Variants in IGSF9B observed in about 807,000 individuals in gnomAD.
IGSF9B encodes the protein protein turtle homolog B.
In IGSF9B, 48 loss-of-function variants were observed where a neutral mutation model predicts 143.7. The observed-to-expected ratio is 0.33, with a 90% confidence interval of 0.26 to 0.42. The LOEUF is 0.42. Ranked by LOEUF, IGSF9B falls within the 20% of genes least tolerant of loss-of-function variation. IGSF9B has a pLI of 1.00. For missense variants in IGSF9B, 1,706 were observed against 1,980.0 expected (o/e 0.86, Z 2.63); for synonymous variants, 903 against 833.1 (o/e 1.08, Z -1.44).
chr11:133,899,536 G>A lies in IGSF9B; in HGVS notation c.*9533C>T, dbSNP rs140829933. ...CCCCAAAATGAAGAGTCCTGTTGGA[G>A]GCTGAGGAATAGAATGGTGACATGT... On this transcript the variant is annotated 3_prime_UTR_variant, in exon 20 of 20. Transcript: ENST00000533871. 8 of 152,578 alleles carry A rather than the reference G, an allele frequency of 5.2e-5. No individual in the cohort carries two copies. Among genetic ancestry groups the A allele is most frequent in the African/African-American group, 1.9e-4 (8 of 41,590 alleles). The allele number at this position is 152,578 out of a possible 1,614,324, so 9.5% of individuals were successfully genotyped here. A position where few individuals can be genotyped will look rare whatever the true frequency, so the allele number is the denominator to read the frequency against.
rs781475021 is a variant in IGSF9B at position 133,931,501 on chromosome 11, G to A, written c.1320C>T (p.Ile440=). 1.9e-6 allele frequency: 3 copies of A among 1,613,284 alleles called. No individual in the cohort carries two copies. Among genetic ancestry groups the A allele is most frequent in the Admixed American group, 1.7e-5 (1 of 60,006 alleles). Residue 440 remains isoleucine (I), a synonymous_variant, in exon 10 of 20, where the codon ATC becomes ATT. Transcript: ENST00000533871. The surrounding 1 kb of genome is among the most constrained non-coding windows in gnomAD (Gnocchi z 7.7). ...YRQEAGRELL[I]PCAAAGDPFP... ...AGGGGTCCCCTGCGGCAGCACAGGG[G>A]ATAAGTAGCTCCCGGCCGGCCTCCT...
intron 11 of IGSF9B, among the ~76,000 whole-genome samples, chr11:133,930,728 C>G (rs1395416241): frequency 6.6e-6 from 1 of 152,248 alleles, no homozygotes; most frequent in East Asian, 1.9e-4. Context: ...CTCTTTCCCT[C>G]AGGTGGGCTG....
Position 133,908,074 on chromosome 11 carries a change from C to T in IGSF9B, c.*995G>A, listed in dbSNP as rs1180479891. Among the ~76,000 whole-genome samples, 1 of 152,250 alleles carries T rather than the reference C, an allele frequency of 6.6e-6. No individual in the cohort carries two copies. Among genetic ancestry groups the T allele is most frequent in the Non-Finnish European group, 1.5e-5 (1 of 68,036 alleles). ...AATAGAGCCGGCAGCTTGGCGCTAG[C>T]ACAGGTGGCTCCGCAGTGGGGAGAC... On this transcript the variant is annotated 3_prime_UTR_variant, in exon 20 of 20. Coordinates refer to ENST00000533871, the MANE Select transcript of IGSF9B (RefSeq NM_001277285.4).
chr11:133,897,341 C>G lies in IGSF9B; in HGVS notation c.*11728G>C, dbSNP rs1939036363. Reference sequence around the variant, plus strand: ...GTGCACCTGTGAGCTCTCTCCCGCTCTCACTCTCTTGCGTGCACACACGCA... The same window carrying G: ...GTGCACCTGTGAGCTCTCTCCCGCTGTCACTCTCTTGCGTGCACACACGCA... On this transcript the variant is annotated 3_prime_UTR_variant, in exon 20 of 20. Transcript: ENST00000533871. 6.6e-6 allele frequency: 1 copy of G among 152,100 alleles called. No individual in the cohort carries two copies. The highest frequency in any genetic ancestry group is 2.4e-5 in the African/African-American group (1 of 41,434). The allele number at this position is 152,100 out of a possible 1,614,324, so 9.4% of individuals were successfully genotyped here.
rs758818031 is a variant in IGSF9B, at chr11:133,931,727, G to A, written c.1179C>T (p.Gly393=). The A allele has an allele frequency of 3.1e-6, 5 of 1,611,994 alleles. No homozygotes were observed. The highest frequency in any genetic ancestry group is 4.2e-6 in the Non-Finnish European group (5 of 1,179,344). The part of the protein sequence containing the change: ...RIEEATEEAL[G]TYTCVPYNTL... ...TGTTGTAAGGCACACAGGTATAAGT[G>A]CCAAGAGCCTCCTCTGTGGCCTCCT... Residue 393 remains glycine, a synonymous_variant, in exon 9 of 20, where the codon GGC becomes GGT. Transcript: ENST00000533871. This position sits in a 1 kb window ranked among gnomAD's most constrained non-coding sequence, Gnocchi z 7.7.
Position 133,919,997 on chromosome 11 carries a change from G to A in IGSF9B, c.3728C>T (p.Ala1243Val). The change falls in exon 18 of 20, where the codon GCT becomes GTT. Residue 1243 changes from alanine (A) to valine (V), a missense_variant. Around this residue, in one of 7 missense-constraint regions of IGSF9B, gnomAD observed 880 missense variants for 762.9 expected, o/e 1.15. Transcript: ENST00000533871. ...AGACTTTCGAGAAAAGCTGACTGCA[G>A]CCGGCGGCTGCAGGGTGATCTCTGA... ...EMSEITLQPP[A>V]AVSFSRKSTP... is the part of the protein sequence containing the mutation. The A allele has an allele frequency of 6.3e-7, 1 of 1,582,664 alleles. No individual in the cohort carries two copies. Among genetic ancestry groups the A allele is most frequent in the Non-Finnish European group, 8.6e-7 (1 of 1,164,286 alleles).
At chr11:133,936,305 T>A in intron 5 of IGSF9B, 111 bp from the exon 6 acceptor site, 1 of 910,296 alleles carries the variant, frequency 1.1e-6, no homozygotes, top group Non-Finnish European at 1.7e-6. Context: ...AACACTGCGA[T>A]GGGGGCGGCT....
At chr11:133,942,665 C>A (rs1009620850) in intron 3 of IGSF9B, among the ~76,000 whole-genome samples, 4 of 152,190 alleles carry the variant, frequency 2.6e-5, no homozygotes, top group Admixed American at 2.6e-4. Context: ...AATGCGGGGA[C>A]CCTCAGCCTG....
rs531226334 is a variant in IGSF9B, at chr11:133,917,837, G to A, written c.3983+1905C>T. On this transcript the variant is annotated intron_variant, in intron 18 of 19. Coordinates refer to ENST00000533871, the MANE Select transcript of IGSF9B (RefSeq NM_001277285.4). ...GCTGCTGGGAGAATAGGGTGCGGGG[G>A]GGCTCTTCCTGGATACCAGAGGGGC... Among the ~76,000 whole-genome samples the A allele has an allele frequency of 2.6e-5, 4 of 152,174 alleles. No individual in the cohort carries two copies. The East Asian group carries it at 7.8e-4, about 30-fold the overall frequency.
In IGSF9B at chr11:133,919,797, T is replaced by G; in HGVS notation, c.3928A>C (p.Thr1310Pro). 6.6e-7 allele frequency: 1 copy of G among 1,506,234 alleles called. No homozygotes were observed. The highest frequency in any genetic ancestry group is 2.2e-5 in the Admixed American group (1 of 44,828). The allele number at this position is 1,506,234 out of a possible 1,614,324, so 93.3% of individuals were successfully genotyped here. A position where few individuals can be genotyped will look rare whatever the true frequency, so the allele number is the denominator to read the frequency against. The change falls in exon 18 of 20, where the codon ACG (threonine) becomes CCG (proline). Residue 1310 changes from threonine to proline, a missense_variant. By Grantham distance (38) the Thr-to-Pro change is conservative (BLOSUM62 -1). Around this residue, in one of 7 missense-constraint regions of IGSF9B, gnomAD observed 880 missense variants for 762.9 expected, o/e 1.15. Coordinates refer to ENST00000533871, the MANE Select transcript of IGSF9B (RefSeq NM_001277285.4). ...TCCGGTCGGAGCAATTCCTCCCCCG[T>G]CCTTCGAGGGGAAGGCGTCTGTCCA... ...VFGQTPSPRRTGEELLRPETP... is the reference protein window; with the variant it reads ...VFGQTPSPRRPGEELLRPETP...
Position 133,919,755 on chromosome 11 carries a change from A to T in IGSF9B, c.3970T>A (p.Leu1324Ile), listed in dbSNP as rs1474667679. Residue 1324 changes from leucine (L) to isoleucine (I), a missense_variant, in exon 18 of 20, where the codon TTA becomes ATA. Leu to Ile is a conservative substitution (Grantham distance 5, BLOSUM62 2). This residue lies in a region of IGSF9B where 880 missense variants were observed against 762.9 expected (regional missense o/e 1.15). Transcript: ENST00000533871. ...CGGCGCACTCACCCTGAAGTAGGTA[A>T]CGTGGGTGGTGGGGTCTCCGGTCGG... ...LLRPETPPPT[L>I]PTSGTLPPAP... 1.4e-6 allele frequency: 2 copies of T among 1,465,510 alleles called. No homozygotes were observed. The highest frequency in any genetic ancestry group is 9.0e-7 in the Non-Finnish European group (1 of 1,105,550). The allele number at this position is 1,465,510 out of a possible 1,614,324, so 90.8% of individuals were successfully genotyped here. A position where few individuals can be genotyped will look rare whatever the true frequency, so the allele number is the denominator to read the frequency against.
intron 12 of IGSF9B, among the ~76,000 whole-genome samples, chr11:133,927,887 C>T (rs1034946197): frequency 8.5e-5 from 13 of 152,100 alleles, no homozygotes; most frequent in Non-Finnish European, 1.5e-4. Context: ...GGCTCACTAC[C>T]GTGCACGCCC....
At chr11:133,944,459 C>A (rs1940008635) in intron 2 of IGSF9B, 93 bp from the exon 3 acceptor site, 1 of 1,270,142 alleles carries the variant, frequency 7.9e-7, no homozygotes, top group Non-Finnish European at 1.1e-6. Context: ...GGGGACTCAT[C>A]ATAATCTTCA....
At chr11:133,916,542 G>A (rs1480095137) in intron 18 of IGSF9B, among the ~76,000 whole-genome samples, 4 of 152,176 alleles carry the variant, frequency 2.6e-5, no homozygotes, top group African/African-American at 9.7e-5. Context: ...CTCAGGATGG[G>A]GAGGGTCTCC....
chr11:133,899,164 G>A lies in IGSF9B; in HGVS notation c.*9905C>T, dbSNP rs1172164903. The A allele has an allele frequency of 6.6e-6, 1 of 152,290 alleles. No individual in the cohort carries two copies. The highest frequency in any genetic ancestry group is 2.4e-5 in the African/African-American group (1 of 41,470). The allele number at this position is 152,290 out of a possible 1,614,324, so 9.4% of individuals were successfully genotyped here. ...ACCAAAATTCAATGTCCATTCTGCTGTGGGGACCAAGGAACGTGTCCCAAG... is the reference window on the plus strand; with the variant it reads ...ACCAAAATTCAATGTCCATTCTGCTATGGGGACCAAGGAACGTGTCCCAAG... On this transcript the variant is annotated 3_prime_UTR_variant, in exon 20 of 20. Transcript: ENST00000533871.
intron 1 of IGSF9B, among the ~76,000 whole-genome samples, chr11:133,954,051 T>C (rs778560937): frequency 1.1e-4 from 17 of 152,078 alleles, no homozygotes; most frequent in Middle Eastern, 6.8e-3. Flanking sequence ...TATGGCCAAA[T>C]CCTAAGGGTG....
intron 5 of IGSF9B, among the ~76,000 whole-genome samples, chr11:133,936,748 G>A (rs991468521): frequency 2.0e-5 from 3 of 152,188 alleles, no homozygotes; most frequent in Admixed American, 6.5e-5. Context: ...GCATGCAGCC[G>A]CCACCAACCC....
At chr11:133,935,909 G>C in intron 6 of IGSF9B, 144 bp downstream of exon 6, 2 of 1,383,176 alleles carry the variant, frequency 1.4e-6, no homozygotes, top group Non-Finnish European at 2.0e-6. Flanking sequence ...CCTGGCCTTG[G>C]CATGTGAGAC....
intron 3 of IGSF9B, among the ~76,000 whole-genome samples, chr11:133,942,171 A>C (rs996620237): frequency 2.6e-5 from 4 of 152,124 alleles, no homozygotes; most frequent in African/African-American, 4.8e-5. Context: ...CTCGAGAAGG[A>C]GGATGGCCAG....
Sources: gnomAD v4.1 joint callset for allele counts (sites outside exome capture counted in the v4.1 genomes callset) on GRCh38, gnomAD v4.1.1 for gene constraint, gnomAD v4.1.1 regional missense constraint, Gnocchi (gnomAD v3.1) non-coding constraint, MANE v1.5 for transcripts, NCBI Gene and HGNC (gene_info 2026-07-23, HGNC 2026-07-21) for gene names.